The following IGSF10 variants were observed in gnomAD, a reference collection of about 807,000 sequenced individuals.
IGSF10 encodes calvaria mechanical force protein 608.
IGSF10 carries 126 observed loss-of-function variants against 128.2 expected under a neutral mutation model. The observed-to-expected ratio is 0.98, with a 90% CI of 0.85 to 1.14. The LOEUF is 1.14. Among genes scored for constraint, IGSF10 ranks in the 50% most tolerant of loss-of-function variants. The pLI is 0.00. For synonymous variants in IGSF10, 1,185 were observed against 1,146.2 expected (o/e 1.03, Z -0.68); for missense variants, 3,295 against 3,149.8 (o/e 1.05, Z -1.10).
chr3:151,526,578 T>C, the IGSF10 span, among the ~76,000 whole-genome samples: 8 of 152,098 alleles, frequency 5.3e-5, no homozygotes, highest in Non-Finnish European at 1.0e-4. Context: ...TTCCAGCAAT[T>C]TTCTGATTCA....
chr3:151,483,403 A>G, the IGSF10 span, among the ~76,000 whole-genome samples: 4 of 152,222 alleles, frequency 2.6e-5, no homozygotes, highest in Non-Finnish European at 5.9e-5. Context: ...GCTTCATAGT[A>G]ACCACAAAAT....
At position 151,443,499 on chromosome 3, in the gene IGSF10, G is replaced by T; in HGVS notation, c.5448C>A (p.Gly1816=). The change falls in exon 7 of 8, where the codon GGC becomes GGA. Residue 1816 remains glycine, a synonymous_variant. Coordinates refer to ENST00000282466, the MANE Select transcript of IGSF10 (RefSeq NM_178822.5). ...VLHNLSIYDR[G]FYKCVASNPG... ...GGTTGCTGGCCACACATTTGTAAAA[G>T]CCACGGTCATAAATACTGAGATTGT... The T allele has an allele frequency of 6.2e-7, 1 of 1,614,192 alleles. No individual in the cohort carries two copies. The highest frequency in any genetic ancestry group is 8.5e-7 in the Non-Finnish European group (1 of 1,180,036).
At chr3:151,511,931 G>T in the IGSF10 span, among the ~76,000 whole-genome samples, 1 of 152,150 alleles carries the variant, frequency 6.6e-6, no homozygotes, top group East Asian at 1.9e-4. Context: ...AAATATATAT[G>T]CACCCAATAC....
At chr3:151,506,921 A>T in the IGSF10 span, among the ~76,000 whole-genome samples, 97 of 152,346 alleles carry the variant, frequency 6.4e-4, 1 homozygote, top group South Asian at 0.02. Flanking sequence ...CATATGTGAT[A>T]TTTGGTAAAT....
chr3:151,434,500 TAATA>T (rs1171633126), downstream of IGSF10: 1 of 130,944 alleles, frequency 7.6e-6, no homozygotes, highest in African/African-American at 2.9e-5. Context: ...TTCACTAAAT[TAATA>T]GTCTATCTGC....
chr3:151,582,789 TAGTG>T, the IGSF10 span, among the ~76,000 whole-genome samples: 1 of 152,218 alleles, frequency 6.6e-6, no homozygotes, highest in Non-Finnish European at 1.5e-5. Context: ...CAAATGGTGA[TAGTG>T]AGCAACATTT....
At chr3:151,573,907 C>T in the IGSF10 span, among the ~76,000 whole-genome samples, 89,533 of 151,396 alleles carry the variant, frequency 0.59, 26,979 homozygotes, top group South Asian at 0.65. Flanking sequence ...TTCAGGAGCT[C>T]TTGTAAGGGA....
chr3:151,616,353 A>G, the IGSF10 span, among the ~76,000 whole-genome samples: 12 of 152,202 alleles, frequency 7.9e-5, no homozygotes, highest in African/African-American at 2.9e-4. Context: ...AATAATGCCA[A>G]TTAAGTGTAA....
Position 151,448,219 on chromosome 3 carries a change from C to T in IGSF10, c.1762G>A (p.Gly588Ser), listed in dbSNP as rs144899743. The T allele has an allele frequency of 2.3e-5, 37 of 1,614,128 alleles. No individual in the cohort carries two copies. In the African/African-American group the frequency reaches 4.8e-4, roughly 21 times the overall value. The change falls in exon 6 of 8, where the codon GGT becomes AGT. Residue 588 changes from glycine (G) to serine (S), a missense_variant. Transcript: ENST00000282466. ...TGGCATGGAAGATCAAGTGTTTCAC[C>T]AATGAAAACTGTGTGATGAATCCCA... ...ENGIHHTVFI[G>S]ETLDLPCHST... is the part of the protein sequence containing the mutation.
At chr3:151,607,279 C>T in the IGSF10 span, among the ~76,000 whole-genome samples, 1 of 152,152 alleles carries the variant, frequency 6.6e-6, no homozygotes, top group South Asian at 2.1e-4. Context: ...GCTACTTGAA[C>T]ATTATCCCTA....
chr3:151,579,866 G>A, the IGSF10 span, among the ~76,000 whole-genome samples: 22 of 139,512 alleles, frequency 1.6e-4, no homozygotes, highest in East Asian at 6.2e-4. Flanking sequence ...AGGGAGGAAG[G>A]GAGGAAGGAA....
downstream of IGSF10, chr3:151,435,998 T>C (rs1389202272): frequency 1.3e-5 from 2 of 152,216 alleles, no homozygotes; most frequent in Non-Finnish European, 2.9e-5. Context: ...CATTGTATTT[T>C]TAAAACCTTT....
the IGSF10 span, among the ~76,000 whole-genome samples, chr3:151,569,855 G>A: frequency 6.6e-6 from 1 of 151,972 alleles, no homozygotes; most frequent in Admixed American, 6.6e-5. Flanking sequence ...TTTACATTAG[G>A]TATTTCTCCT....
the IGSF10 span, among the ~76,000 whole-genome samples, chr3:151,547,063 G>C: frequency 6.6e-6 from 1 of 151,578 alleles, no homozygotes; most frequent in Admixed American, 6.6e-5. Flanking sequence ...GTGAACCACC[G>C]TGCCCGGCCT....
the IGSF10 span, among the ~76,000 whole-genome samples, chr3:151,477,357 T>TAC: frequency 1.3e-5 from 2 of 152,194 alleles, no homozygotes; most frequent in African/African-American, 4.8e-5. Flanking sequence ...TTTATATATA[T>TAC]ACACAAGAGG....
chr3:151,554,022 T>TG, the IGSF10 span, among the ~76,000 whole-genome samples: 2 of 151,072 alleles, frequency 1.3e-5, no homozygotes, highest in East Asian at 3.9e-4. Context: ...GGCGTACTCC[T>TG]GTAGTTCCAG....
the IGSF10 span, among the ~76,000 whole-genome samples, chr3:151,507,113 G>A: frequency 6.6e-6 from 1 of 152,196 alleles, no homozygotes; most frequent in South Asian, 2.1e-4. Flanking sequence ...TTAGTGCCTA[G>A]ACCAGCAGCT....
At chr3:151,556,921 C>A in the IGSF10 span, among the ~76,000 whole-genome samples, 1 of 152,020 alleles carries the variant, frequency 6.6e-6, no homozygotes, top group Non-Finnish European at 1.5e-5. Flanking sequence ...CACAAATGAT[C>A]GTTGTAAAGT....
the IGSF10 span, among the ~76,000 whole-genome samples, chr3:151,505,900 G>A: frequency 6.6e-6 from 1 of 152,008 alleles, no homozygotes; most frequent in African/African-American, 2.4e-5. Flanking sequence ...CCTAGATAAG[G>A]TGTTTATATA....
Sources: gnomAD v4.1 joint callset for allele counts (sites outside exome capture counted in the v4.1 genomes callset) on GRCh38, gnomAD v4.1.1 for gene constraint, MANE v1.5 for transcripts, NCBI Gene and HGNC (gene_info 2026-07-23, HGNC 2026-07-21) for gene names.